Variants in PSMB8 observed in about 807,000 individuals in gnomAD.
PSMB8 encodes the protein proteasome 20S subunit beta 8, also known as proteasome subunit beta type-8.
Under a neutral mutation model 32.3 loss-of-function variants are expected in PSMB8, and 20 were observed. The observed-to-expected ratio is 0.62, with a 90% CI of 0.44 to 0.90. PSMB8 has a LOEUF of 0.90. Among genes scored for constraint, PSMB8 ranks in the 40% least tolerant of loss-of-function variants. The pLI is 0.00. For synonymous variants in PSMB8, 131 were observed against 135.4 expected, an observed-to-expected ratio of 0.97 and a Z score of 0.23; for missense variants, 342 against 365.4, an observed-to-expected ratio of 0.94 and a Z score of 0.52.
In PSMB8 at chr6:32,842,798, A is replaced by G. The variant is rs1224334453; in HGVS notation, c.296-15T>C. ...CCGTAAGGCACCTGGAAGAAGATGG[A>G]GCTTTGGGAGAGAAGGGATGACCCC... On this transcript the variant is annotated splice_polypyrimidine_tract_variant and intron_variant, in intron 2 of 5. Transcript: ENST00000374882. 8.7e-6 allele frequency: 14 copies of G among 1,611,534 alleles called. No individual in the cohort carries two copies. The highest frequency in any genetic ancestry group is 1.2e-5 in the Non-Finnish European group (14 of 1,177,800).
In PSMB8 at chr6:32,840,825, C is replaced by T; in HGVS notation, c.*134G>A. On this transcript the variant is annotated 3_prime_UTR_variant, in exon 6 of 6. Coordinates refer to ENST00000374882, the MANE Select transcript of PSMB8 (RefSeq NM_148919.4). ...CGCAGAAGATGCACTTCACCGGCCT[C>T]CTCTGGCTGCTGAGCCCGTACTCTC... 1 of 740,428 alleles carries T rather than the reference C, an allele frequency of 1.4e-6. No individual in the cohort carries two copies. Among genetic ancestry groups the T allele is most frequent in the Non-Finnish European group, 2.4e-6 (1 of 419,654 alleles). 45.9% of individuals were successfully genotyped at this position (740,428 alleles called of 1,614,324 possible). A position where few individuals can be genotyped will look rare whatever the true frequency, so the allele number is the denominator to read the frequency against.
At chr6:32,842,508 C>T (rs892554480) in intron 3 of PSMB8, among the ~76,000 whole-genome samples, 164 bp downstream of exon 3, 1 of 152,226 alleles carries the variant, frequency 6.6e-6, no homozygotes, top group Non-Finnish European at 1.5e-5. Flanking sequence ...GAGTGGAGCA[C>T]AGGCTGAGAT....
intron 2 of PSMB8, 38 bp from the exon 3 acceptor site, chr6:32,842,821 C>G (rs1770005611): frequency 6.2e-7 from 1 of 1,607,220 alleles, no homozygotes; most frequent in Non-Finnish European, 8.5e-7. Context: ...AAGGGATGAC[C>G]CCATAGATCC....
Position 32,841,715 on chromosome 6 carries a change from C to T in PSMB8, c.558G>A (p.Val186=). 6.2e-7 allele frequency: 1 copy of T among 1,612,740 alleles called. No homozygotes were observed. Among genetic ancestry groups the T allele is most frequent in the Non-Finnish European group, 8.5e-7 (1 of 1,180,022 alleles). The change falls in exon 5 of 6, where the codon GTG becomes GTA. Residue 186 remains valine, a synonymous_variant. Transcript: ENST00000374882. The part of the protein sequence containing the change: ...WDKKGPGLYY[V]DEHGTRLSGN... Reference sequence around the variant, plus strand: ...CTGAGAGCCGAGTCCCATGTTCATCCACGTAGTAGAGTCCAGGACCCTATA... The same window carrying T: ...CTGAGAGCCGAGTCCCATGTTCATCTACGTAGTAGAGTCCAGGACCCTATA...
upstream of PSMB8, chr6:32,844,325 T>C (rs1433243513): frequency 6.2e-7 from 1 of 1,613,680 alleles, no homozygotes; most frequent in East Asian, 2.2e-5. Context: ...TAGGGTCGTG[T>C]CATCTAAAGG....
chr6:32,844,637 C>T (rs1770218104), upstream of PSMB8: 2 of 579,696 alleles, frequency 3.5e-6, no homozygotes, highest in Admixed American at 3.0e-5. Context: ...TCTGCCCGCC[C>T]TTCCTAGCGT....
At chr6:32,844,145 C>A, upstream of PSMB8, 1 of 1,509,030 alleles carries the variant, frequency 6.6e-7, no homozygotes, top group Non-Finnish European at 9.0e-7. Flanking sequence ...AGGACCATCA[C>A]ACTGGGGACC....
intron 4 of PSMB8, 168 bp downstream of exon 4, chr6:32,841,966 C>T: frequency 1.2e-5 from 13 of 1,101,062 alleles, no homozygotes; most frequent in Non-Finnish European, 1.7e-5. Flanking sequence ...TGCAATGATT[C>T]ATATCTGGGC....
Position 32,840,853 on chromosome 6 carries a change from TTTGGCTCAGGCTAGGCCTCTTCTTCTCC to T in PSMB8, c.*78_*105del. 1.1e-6 allele frequency: 1 copy of T among 943,220 alleles called. No individual in the cohort carries two copies. Among genetic ancestry groups the T allele is most frequent in the Admixed American group, 1.9e-5 (1 of 52,230 alleles). 58.4% of individuals were successfully genotyped at this position (943,220 alleles called of 1,614,324 possible). A position where few individuals can be genotyped will look rare whatever the true frequency, so the allele number is the denominator to read the frequency against. The stretch of plus-strand genomic sequence containing the variant: ...CTGGCTGCTGAGCCCGTACTCTCTC[TTTGGCTCAGGCTAGGCCTCTTCTTCTCC>T]TTGGACTTAACGTGGCTTAGGTCCC... On this transcript the variant is annotated 3_prime_UTR_variant, in exon 6 of 6. Transcript: ENST00000374882.
In PSMB8 at chr6:32,843,908, G is replaced by A. The variant is rs1313704228; in HGVS notation, c.89C>T (p.Pro30Leu). Residue 30 changes from proline (P) to leucine (L), a missense_variant, in exon 1 of 6, where the codon CCA becomes CTA. Coordinates refer to ENST00000374882, the MANE Select transcript of PSMB8 (RefSeq NM_148919.4). ...TCGCATAGAGAAACTGTAGTGTCCT[G>A]GGTCCGAGCGACGCCCGCTTCCCGC... ...PVAGSGRRSD[P>L]GHYSFSMRSP... 6.2e-7 allele frequency: 1 copy of A among 1,612,672 alleles called. No homozygotes were observed. The highest frequency in any genetic ancestry group is 1.3e-5 in the African/African-American group (1 of 74,834).
At chr6:32,842,610 G>A in intron 3 of PSMB8, 62 bp downstream of exon 3, 1 of 1,361,100 alleles carries the variant, frequency 7.3e-7, no homozygotes, top group Admixed American at 1.7e-5. Flanking sequence ...AAGGAGCAAT[G>A]ATCTGAGAGA....
rs1322788316 is a variant in PSMB8, at chr6:32,840,859, T to C, written c.*100A>G. The C allele has an allele frequency of 9.9e-7, 1 of 1,013,174 alleles. No homozygotes were observed. Among genetic ancestry groups the C allele is most frequent in the Admixed American group, 1.9e-5 (1 of 53,230 alleles). The allele number at this position is 1,013,174 out of a possible 1,614,324, so 62.8% of individuals were successfully genotyped here. A position where few individuals can be genotyped will look rare whatever the true frequency, so the allele number is the denominator to read the frequency against. On this transcript the variant is annotated 3_prime_UTR_variant, in exon 6 of 6. Transcript: ENST00000374882. ...GCTGAGCCCGTACTCTCTCTTTGGC[T>C]CAGGCTAGGCCTCTTCTTCTCCTTG...
intron 1 of PSMB8, among the ~76,000 whole-genome samples, chr6:32,843,540 C>T (rs1770073856): frequency 6.6e-6 from 1 of 152,226 alleles, no homozygotes; most frequent in Admixed American, 6.5e-5. Flanking sequence ...AGACACCACA[C>T]ACCTCCTATA....
Position 32,843,018 on chromosome 6 carries a change from G to A in PSMB8, c.219C>T (p.Thr73=). ...RNVQIEMAHG[T]TTLAFKFQHG... is the part of the protein sequence containing the mutation. ...GCTGGAACTTGAAGGCGAGCGTGGTGGTGCCATGGGCCATCTCAATCTGAA... is the reference window on the plus strand; with the variant it reads ...GCTGGAACTTGAAGGCGAGCGTGGTAGTGCCATGGGCCATCTCAATCTGAA... The change falls in exon 2 of 6, where the codon ACC becomes ACT. Residue 73 remains threonine (T), a synonymous_variant. Transcript: ENST00000374882. 1 of 1,613,120 alleles carries A rather than the reference G, an allele frequency of 6.2e-7. No homozygotes were observed. The highest frequency in any genetic ancestry group is 8.5e-7 in the Non-Finnish European group (1 of 1,180,030).
At position 32,842,792 on chromosome 6, in the gene PSMB8, A is replaced by C; in HGVS notation, c.296-9T>G. On this transcript the variant is annotated splice_polypyrimidine_tract_variant and intron_variant, in intron 2 of 5. Coordinates refer to ENST00000374882, the MANE Select transcript of PSMB8 (RefSeq NM_148919.4). ...GTTCACCCGTAAGGCACCTGGAAGA[A>C]GATGGAGCTTTGGGAGAGAAGGGAT... The C allele has an allele frequency of 1.9e-6, 3 of 1,613,244 alleles. No homozygotes were observed. The highest frequency in any genetic ancestry group is 2.5e-6 in the Non-Finnish European group (3 of 1,179,196).
chr6:32,843,774 C>T, intron 1 of PSMB8, 76 bp downstream of exon 1: 3 of 1,580,230 alleles, frequency 1.9e-6, no homozygotes, highest in Non-Finnish European at 2.6e-6. Flanking sequence ...CCGCTCTCGC[C>T]TCCTCCTCTC....
Position 32,842,071 on chromosome 6 carries a change from G to A in PSMB8, c.537+63C>T, listed in dbSNP as rs9357155. 194,898 of 1,611,412 alleles carry A rather than the reference G, an allele frequency of 0.12. 12,384 individuals are homozygous for A. Among genetic ancestry groups the A allele is most frequent in the Admixed American group, 0.17 (10,349 of 59,976 alleles). On this transcript the variant is annotated intron_variant, in intron 4 of 5. Coordinates refer to ENST00000374882, the MANE Select transcript of PSMB8 (RefSeq NM_148919.4). ...AGGGAGGGAGTAGGAGTATATGATG[G>A]GAAACAGATCTGTCATCCATAGGGA...
intron 4 of PSMB8, 80 bp downstream of exon 4, chr6:32,842,054 A>T: frequency 6.2e-7 from 1 of 1,603,478 alleles, no homozygotes; most frequent in Admixed American, 1.7e-5. Context: ...TCAGGGAGGG[A>T]GTAGGAGTAT....
Position 32,840,973 on chromosome 6 carries a change from C to A in PSMB8, c.817G>T (p.Glu273Ter), listed in dbSNP as rs1175788610. The A allele has an allele frequency of 6.2e-7, 1 of 1,613,332 alleles. No homozygotes were observed. The highest frequency in any genetic ancestry group is 1.7e-5 in the Admixed American group (1 of 60,018). ...CACCACCACCATTATTGATTGGCTTCCCGGTACTGGTGCAGCAGGTCACTG... is the reference window on the plus strand; with the variant it reads ...CACCACCACCATTATTGATTGGCTTACCGGTACTGGTGCAGCAGGTCACTG... Reference protein sequence around the residue: ...DVSDLLHQYREANQ With the variant: ...DVSDLLHQYR Residue 273 changes from glutamate to a stop codon, truncating the protein, a stop_gained, in exon 6 of 6, where the codon GAA becomes TAA. Coordinates refer to ENST00000374882, the MANE Select transcript of PSMB8 (RefSeq NM_148919.4). LOFTEE classifies it high-confidence loss of function.
Sources: gnomAD v4.1 joint callset for allele counts (sites outside exome capture counted in the v4.1 genomes callset) on GRCh38, gnomAD v4.1.1 for gene constraint, MANE v1.5 for transcripts, NCBI Gene and HGNC (gene_info 2026-07-23, HGNC 2026-07-21) for gene names.